Variants in ARHGEF1 observed in about 807,000 individuals in gnomAD.
ARHGEF1 encodes the protein Rho guanine nucleotide exchange factor 1, also known as 115 kDa guanine nucleotide exchange factor.
ARHGEF1 carries 40 observed loss-of-function variants against 119.7 expected under a neutral mutation model. That is an observed-to-expected ratio of 0.33 (90% CI 0.26 to 0.44). The LOEUF (loss-of-function observed/expected upper bound fraction) is 0.44, where lower values mean the gene tolerates loss of function less well. Among genes scored for constraint, ARHGEF1 ranks in the 20% least tolerant of loss-of-function variants. ARHGEF1 has a pLI of 1.00. For missense variants in ARHGEF1, 976 were observed against 1,268.3 expected, an observed-to-expected ratio of 0.77 and a Z score of 3.50; for synonymous variants, 494 against 521.0, an observed-to-expected ratio of 0.95 and a Z score of 0.71.
chr19:41,908,104 G>T, downstream of ARHGEF1: 1 of 700,942 alleles, frequency 1.4e-6, no homozygotes, highest in Non-Finnish European at 2.0e-6. This position sits in a 1 kb window ranked among gnomAD's most constrained non-coding sequence, Gnocchi z 6.7. Context: ...AGGAGACTGG[G>T]GCAGCAATGT....
chr19:41,903,198 A>C lies in ARHGEF1; in HGVS notation c.1739-109A>C, dbSNP rs1392204232. On this transcript the variant is annotated intron_variant, in intron 18 of 28. Coordinates refer to ENST00000354532, the MANE Select transcript of ARHGEF1 (RefSeq NM_004706.4). The surrounding 1 kb of genome is among the most constrained non-coding windows in gnomAD (Gnocchi z 4.2). ...CAGCCTCCCAAAGTGCTTGGATTAC[A>C]GGCGTGAGCCACCATGCCCGGCCAG... 1 of 975,366 alleles carries C rather than the reference A, an allele frequency of 1.0e-6. No individual in the cohort carries two copies. Among genetic ancestry groups the C allele is most frequent in the African/African-American group, 1.6e-5 (1 of 61,810 alleles). 60.4% of individuals were successfully genotyped at this position (975,366 alleles called of 1,614,324 possible). A position where few individuals can be genotyped will look rare whatever the true frequency, so the allele number is the denominator to read the frequency against.
chr19:41,898,790 G>A (rs2074554027), intron 14 of ARHGEF1, among the ~76,000 whole-genome samples: 1 of 152,214 alleles, frequency 6.6e-6, no homozygotes, highest in South Asian at 2.1e-4. Flanking sequence ...ACTGTGGAAG[G>A]GACATTTCCA....
Position 41,903,974 on chromosome 19 carries a change from C to T in ARHGEF1, c.1918-61C>T, listed in dbSNP as rs2074648281. The T allele has an allele frequency of 6.8e-7, 1 of 1,466,252 alleles. No individual in the cohort carries two copies. Among genetic ancestry groups the T allele is most frequent in the Admixed American group, 1.7e-5 (1 of 59,126 alleles). 90.8% of individuals were successfully genotyped at this position (1,466,252 alleles called of 1,614,324 possible). A position where few individuals can be genotyped will look rare whatever the true frequency, so the allele number is the denominator to read the frequency against. On this transcript the variant is annotated intron_variant, in intron 20 of 28. Transcript: ENST00000354532. The surrounding 1 kb of genome is among the most constrained non-coding windows in gnomAD (Gnocchi z 4.2). ...CCGGCCACTGCCCTGCCCTTCCCCT[C>T]CCCACCAACCCCAATCACCCCCTGC...
At chr19:41,910,009 C>T (rs2074743486), downstream of ARHGEF1, 2 of 1,613,768 alleles carry the variant, frequency 1.2e-6, no homozygotes, top group Middle Eastern at 1.7e-4. This position sits in a 1 kb window ranked among gnomAD's most constrained non-coding sequence, Gnocchi z 4.4. Flanking sequence ...CCTCCTTCTG[C>T]AGCAGCTCCA....
chr19:41,926,689 C>A (rs1370600529), intron 1 of ARHGEF1, among the ~76,000 whole-genome samples: 1 of 151,094 alleles, frequency 6.6e-6, no homozygotes, highest in Non-Finnish European at 1.5e-5. Flanking sequence ...ATGCGGAGCG[C>A]GTCTGGGCCG....
chr19:41,928,833 GA>G lies in ARHGEF1; in HGVS notation c.144del (p.Asp49AlafsTer123). On this transcript the variant is annotated frameshift_variant, in exon 2 of 3. Coordinates refer to the ARHGEF1 transcript ENST00000594417. LOFTEE classifies it high-confidence loss of function. ...CCTCCGCCCCGCTCCTCCCTAAGTG[GA>G]CGCGCGGACAAACGGACAGGCGCGA... is the stretch of plus-strand genomic sequence containing the variant. 4.5e-6 allele frequency: 2 copies of G among 447,622 alleles called. No individual in the cohort carries two copies. The highest frequency in any genetic ancestry group is 9.0e-6 in the Non-Finnish European group (2 of 221,074). 27.7% of individuals were successfully genotyped at this position (447,622 alleles called of 1,614,324 possible). A position where few individuals can be genotyped will look rare whatever the true frequency, so the allele number is the denominator to read the frequency against.
chr19:41,909,029 C>T (rs2145879947), downstream of ARHGEF1: 4 of 1,187,900 alleles, frequency 3.4e-6, no homozygotes, highest in East Asian at 3.2e-5. This position sits in a 1 kb window ranked among gnomAD's most constrained non-coding sequence, Gnocchi z 5.2. Context: ...CCCACTGTGC[C>T]CCCAGCACCC....
rs1431010270 is a variant in ARHGEF1, at chr19:41,907,251, C to T, written c.*164C>T. 7 of 1,522,542 alleles carry T rather than the reference C, an allele frequency of 4.6e-6. No individual in the cohort carries two copies. In the East Asian group the frequency reaches 1.2e-4, roughly 27 times the overall value. The allele number at this position is 1,522,542 out of a possible 1,614,324, so 94.3% of individuals were successfully genotyped here. A position where few individuals can be genotyped will look rare whatever the true frequency, so the allele number is the denominator to read the frequency against. On this transcript the variant is annotated 3_prime_UTR_variant, in exon 29 of 29. Coordinates refer to ENST00000354532, the MANE Select transcript of ARHGEF1 (RefSeq NM_004706.4). ...GAGGGGCCCAGCTGGGGTTACTGGC[C>T]CCGCATGAGCCTCGGCCATCTCTCC... is the stretch of plus-strand genomic sequence containing the variant.
At chr19:41,912,784 A>T (rs1311096542) in intron 18 of ARHGEF1, 4 of 262,354 alleles carry the variant, frequency 1.5e-5, no homozygotes, top group Non-Finnish European at 2.1e-5. Flanking sequence ...CACGGAGAGA[A>T]GGGGGATGCG....
At chr19:41,887,299 A>T (rs1269698701) in intron 1 of ARHGEF1, among the ~76,000 whole-genome samples, 8 of 152,176 alleles carry the variant, frequency 5.3e-5, no homozygotes, top group Non-Finnish European at 1.0e-4. Flanking sequence ...GACATGAGAC[A>T]GATTCAAGGG....
chr19:41,896,385 GC>G lies in ARHGEF1; in HGVS notation c.1030del (p.Leu344TrpfsTer12). 1.4e-6 allele frequency: 2 copies of G among 1,428,216 alleles called. No individual in the cohort carries two copies. Among genetic ancestry groups the G allele is most frequent in the South Asian group, 1.6e-5 (1 of 60,644 alleles). 88.5% of individuals were successfully genotyped at this position (1,428,216 alleles called of 1,614,324 possible). On this transcript the variant is annotated frameshift_variant, in exon 13 of 29. Coordinates refer to ENST00000354532, the MANE Select transcript of ARHGEF1 (RefSeq NM_004706.4). LOFTEE classifies it high-confidence loss of function. ...DSPDREPGADAPLELGDSSPQ... is the reference protein window; with the variant it reads ...DSPDREPGADXPLELGDSSPQ... ...CTCCCTCCACCCCACAGGTGCTGAC[GC>G]CCCCCTGGAGCTGGGGGACTCATCC...
At chr19:41,884,073 T>C (rs1196656175) in intron 1 of ARHGEF1, among the ~76,000 whole-genome samples, 2 of 152,104 alleles carry the variant, frequency 1.3e-5, no homozygotes, top group Admixed American at 1.3e-4. Context: ...GGGAGACTAA[T>C]AGGACGGGGA....
At chr19:41,897,754 C>T (rs898435376) in intron 13 of ARHGEF1, 14 of 509,102 alleles carry the variant, frequency 2.7e-5, no homozygotes, top group Admixed American at 7.7e-5. Context: ...GGTCTCTCCC[C>T]GTCTCTGTCC....
chr19:41,904,977 C>T lies in ARHGEF1; in HGVS notation c.2190C>T (p.Thr730=). Residue 730 remains threonine (T), a synonymous_variant, in exon 23 of 29, where the codon ACC becomes ACT. Coordinates refer to ENST00000354532, the MANE Select transcript of ARHGEF1 (RefSeq NM_004706.4). The surrounding 1 kb of genome is among the most constrained non-coding windows in gnomAD (Gnocchi z 8.4). The part of the protein sequence containing the change: ...TDHKAFYVLF[T]WDQEAQIYEL... ...ACAAAGCCTTCTACGTCCTTTTTAC[C>T]TGGGACCAGGAGGCCCAGATATACG... The T allele has an allele frequency of 8.7e-6, 14 of 1,614,158 alleles. No individual in the cohort carries two copies. The highest frequency in any genetic ancestry group is 1.2e-5 in the Non-Finnish European group (14 of 1,179,992).
chr19:41,889,989 G>A lies in ARHGEF1; in HGVS notation c.225+1124G>A, dbSNP rs1439738341. 1 of 152,132 alleles carries A rather than the reference G, an allele frequency of 6.6e-6. No individual in the cohort carries two copies. The highest frequency in any genetic ancestry group is 1.9e-4 in the East Asian group (1 of 5,188). The allele number at this position is 152,132 out of a possible 1,614,324, so 9.4% of individuals were successfully genotyped here. ...ATGTGGAAACCGAGGCCTAGAGAGG[G>A]TCAGGGACTTGCCTGAGGTGACCCC... On this transcript the variant is annotated intron_variant, in intron 4 of 28. Transcript: ENST00000354532. The surrounding 1 kb of genome is among the most constrained non-coding windows in gnomAD (Gnocchi z 4.0).
chr19:41,912,523 T>C lies in ARHGEF1; in HGVS notation c.1865+5720T>C, dbSNP rs191078812. On this transcript the variant is annotated intron_variant, in intron 18 of 20. Transcript: ENST00000599589. ...CTCCAGCCCAGTCCCTGCTCTCTTT[T>C]CCCCGCAGGTCCTGCGTGGGAGCAG... 6.4e-3 allele frequency among the ~76,000 whole-genome samples: 969 copies of C among 152,206 alleles called. 11 individuals are homozygous for C. Among genetic ancestry groups the C allele is most frequent in the African/African-American group, 0.018 (742 of 41,540 alleles).
chr19:41,912,017 C>A (rs966913520), downstream of ARHGEF1, among the ~76,000 whole-genome samples: 1 of 152,056 alleles, frequency 6.6e-6, no homozygotes, highest in Admixed American at 6.5e-5. Context: ...ATGCGGAACG[C>A]CACACAACCC....
At position 41,905,518 on chromosome 19, in the gene ARHGEF1, C is replaced by T; in HGVS notation, c.2337-242C>T. 3.3e-6 allele frequency: 2 copies of T among 612,434 alleles called. No homozygotes were observed. Among genetic ancestry groups the T allele is most frequent in the South Asian group, 2.0e-5 (1 of 50,870 alleles). 37.9% of individuals were successfully genotyped at this position (612,434 alleles called of 1,614,324 possible). A position where few individuals can be genotyped will look rare whatever the true frequency, so the allele number is the denominator to read the frequency against. ...GCATATGTGTGCATGCGTGTGACAG[C>T]ATGTGCATGCATGTGTGTGTGTGTG... is the stretch of plus-strand genomic sequence containing the variant. On this transcript the variant is annotated intron_variant, in intron 24 of 28. Transcript: ENST00000354532. The surrounding 1 kb of genome is among the most constrained non-coding windows in gnomAD (Gnocchi z 6.4).
intron 11 of ARHGEF1, 148 bp from the exon 12 acceptor site, chr19:41,895,201 G>A (rs2074462000): frequency 1.5e-5 from 16 of 1,032,322 alleles, no homozygotes; most frequent in South Asian, 1.5e-4. Flanking sequence ...TGAGGGAGGA[G>A]GGGTTGAGGG....
Sources: gnomAD v4.1 joint callset for allele counts (sites outside exome capture counted in the v4.1 genomes callset) on GRCh38, gnomAD v4.1.1 for gene constraint, Gnocchi (gnomAD v3.1) non-coding constraint, MANE v1.5 for transcripts, NCBI Gene and HGNC (gene_info 2026-07-23, HGNC 2026-07-21) for gene names.